Variants in PRDM16 observed in about 807,000 individuals in gnomAD.
PRDM16 encodes histone-lysine N-methyltransferase PRDM16.
In PRDM16, 23 loss-of-function variants were observed where a neutral mutation model predicts 110.6. The ratio of observed to expected loss-of-function variants is 0.21; its 90% CI spans 0.15 to 0.29. PRDM16 has a LOEUF of 0.29. PRDM16 is among the 10% of genes least tolerant of loss of function. PRDM16 has a pLI of 1.00. For missense variants in PRDM16, 1,615 were observed against 1,794.3 expected, an observed-to-expected ratio of 0.90 and a Z score of 1.81; for synonymous variants, 799 against 781.8, an observed-to-expected ratio of 1.02 and a Z score of -0.37.
chr1:3,385,706 G>A (rs981618782), intron 4 of PRDM16, among the ~76,000 whole-genome samples: 16 of 152,220 alleles, frequency 1.1e-4, no homozygotes, highest in African/African-American at 1.7e-4. Flanking sequence ...CAAATTTTCC[G>A]AAGAGTCCGC....
rs1198621108 is a variant in PRDM16, at chr1:3,244,949, G to T, written c.438+812G>T. ...GGTGGCTGATCTCCTATTTTTTGGG[G>T]GGGGGTTTCTAGTAAAATTAAAGTA... On this transcript the variant is annotated intron_variant, in intron 3 of 16. Coordinates refer to ENST00000270722, the MANE Select transcript of PRDM16 (RefSeq NM_022114.4). The surrounding 1 kb of genome is among the most constrained non-coding windows in gnomAD (Gnocchi z 4.1). Among the ~76,000 whole-genome samples the T allele has an allele frequency of 1.3e-5, 2 of 152,194 alleles. No homozygotes were observed. The highest frequency in any genetic ancestry group is 4.8e-5 in the African/African-American group (2 of 41,448).
chr1:3,359,023 C>A lies in PRDM16; in HGVS notation c.439-26129C>A, dbSNP rs1380981614. Among the ~76,000 whole-genome samples, 1 of 152,176 alleles carries A rather than the reference C, an allele frequency of 6.6e-6. No homozygotes were observed. The highest frequency in any genetic ancestry group is 1.5e-5 in the Non-Finnish European group (1 of 68,022). Reference sequence around the variant, plus strand: ...AGTTGACTCGCGGAGTCCTCACTGGCCAACTAGAGTCTTCAAATCAACCAA... The same window carrying A: ...AGTTGACTCGCGGAGTCCTCACTGGACAACTAGAGTCTTCAAATCAACCAA... On this transcript the variant is annotated intron_variant, in intron 3 of 16. Transcript: ENST00000270722. This position sits in a 1 kb window ranked among gnomAD's most constrained non-coding sequence, Gnocchi z 4.3.
intron 2 of PRDM16, among the ~76,000 whole-genome samples, chr1:3,237,706 G>A (rs1021441385): frequency 1.3e-5 from 2 of 152,220 alleles, no homozygotes; most frequent in East Asian, 1.9e-4. Flanking sequence ...TCGCCCGGGC[G>A]GTGTGTCCAG....
At chr1:3,165,191 A>G (rs1037602139) in intron 1 of PRDM16, among the ~76,000 whole-genome samples, 1 of 152,162 alleles carries the variant, frequency 6.6e-6, no homozygotes, top group Non-Finnish European at 1.5e-5. Flanking sequence ...GCCCAGGGAC[A>G]GGGACTTACC....
At position 3,412,144 on chromosome 1, in the gene PRDM16, T is replaced by G; in HGVS notation, c.1947T>G (p.Phe649Leu). The G allele has an allele frequency of 6.4e-7, 1 of 1,561,434 alleles. No homozygotes were observed. The highest frequency in any genetic ancestry group is 8.7e-7 in the Non-Finnish European group (1 of 1,154,454). The stretch of plus-strand genomic sequence containing the variant: ...AGTCCGCCGAGGGCCAGCCCAAGTT[T>G]GGGGGCGGCTTGGCGCCCCCGGGGG... The part of the protein sequence containing the change: ...KGKSAEGQPK[F>L]GGGLAPPGAP... The change falls in exon 9 of 17, where the codon TTT (phenylalanine) becomes TTG (leucine). Residue 649 changes from phenylalanine (F) to leucine (L), a missense_variant. This residue lies in a region of PRDM16 where 772 missense variants were observed against 748.3 expected (regional missense o/e 1.03). Coordinates refer to ENST00000270722, the MANE Select transcript of PRDM16 (RefSeq NM_022114.4).
chr1:3,178,043 C>G (rs1644108965), intron 1 of PRDM16, among the ~76,000 whole-genome samples: 1 of 152,196 alleles, frequency 6.6e-6, no homozygotes, highest in African/African-American at 2.4e-5. Context: ...AAGTTAAAAA[C>G]AGACTTGCAA....
intron 1 of PRDM16, among the ~76,000 whole-genome samples, chr1:3,115,203 C>T (rs1181796780): frequency 6.6e-6 from 1 of 152,258 alleles, no homozygotes; most frequent in Non-Finnish European, 1.5e-5. Flanking sequence ...GACCCCGCCT[C>T]TCCTGGGTCC....
At chr1:3,260,549 T>C (rs867046522) in intron 3 of PRDM16, among the ~76,000 whole-genome samples, 14 of 151,780 alleles carry the variant, frequency 9.2e-5, no homozygotes, top group Middle Eastern at 3.4e-3. Context: ...TGGCACATGC[T>C]TGAGACTCAG....
chr1:3,122,768 G>A (rs1456890101), intron 1 of PRDM16, among the ~76,000 whole-genome samples: 2 of 152,132 alleles, frequency 1.3e-5, no homozygotes, highest in Non-Finnish European at 2.9e-5. Flanking sequence ...ATTTAATAAG[G>A]GGTGGGAGAT....
chr1:3,402,417 T>TC (rs888456113), intron 5 of PRDM16, among the ~76,000 whole-genome samples: 42 of 152,246 alleles, frequency 2.8e-4, no homozygotes, highest in South Asian at 4.1e-4. Flanking sequence ...AGCTCTGTCA[T>TC]CGTTTTTCTC....
rs116062956 is a variant in PRDM16, at chr1:3,162,716, C to T, written c.38-23409C>T. Among the ~76,000 whole-genome samples the T allele has an allele frequency of 3.8e-3, 582 of 152,360 alleles. 5 individuals carry two copies. The highest frequency in any genetic ancestry group is 0.013 in the African/African-American group (552 of 41,586). On this transcript the variant is annotated intron_variant, in intron 1 of 16. Coordinates refer to ENST00000270722, the MANE Select transcript of PRDM16 (RefSeq NM_022114.4). ...CGGAGCCAGGCTCGGTCGGCAGCCA[C>T]GCCCCCTCCTTCACCCTCCAGTCCT...
chr1:3,114,600 ATG>A (rs1642911432), intron 1 of PRDM16, among the ~76,000 whole-genome samples: 1 of 151,918 alleles, frequency 6.6e-6, no homozygotes, highest in African/African-American at 2.4e-5. Context: ...ACACGTGCAC[ATG>A]CACACACGTG....
intron 2 of PRDM16, among the ~76,000 whole-genome samples, chr1:3,204,943 A>T (rs560912941): frequency 1.3e-5 from 2 of 152,142 alleles, no homozygotes; most frequent in African/African-American, 4.8e-5. Flanking sequence ...GGGAGCTGGG[A>T]AGGCCCCGCG....
At chr1:3,280,534 C>T (rs1380466998) in intron 3 of PRDM16, among the ~76,000 whole-genome samples, 2 of 152,212 alleles carry the variant, frequency 1.3e-5, no homozygotes, top group Admixed American at 6.5e-5. Flanking sequence ...CAACAAGGTC[C>T]GTCCTTCCCA....
At chr1:3,361,589 G>A (rs1413482843) in intron 3 of PRDM16, among the ~76,000 whole-genome samples, 3 of 152,236 alleles carry the variant, frequency 2.0e-5, no homozygotes, top group Admixed American at 6.5e-5. Context: ...CATAACACCG[G>A]CCCAACTGTG....
At chr1:3,079,861 G>A (rs1251316701) in intron 1 of PRDM16, among the ~76,000 whole-genome samples, 1 of 152,222 alleles carries the variant, frequency 6.6e-6, no homozygotes, top group Non-Finnish European at 1.5e-5. Flanking sequence ...AAGCTACTCT[G>A]TTTTTGTTGA....
intron 3 of PRDM16, among the ~76,000 whole-genome samples, chr1:3,259,741 G>T (rs1041760130): frequency 6.6e-6 from 1 of 151,824 alleles, no homozygotes; most frequent in Non-Finnish European, 1.5e-5. Context: ...CCCACAACCA[G>T]CCCCAAGCAA....
At chr1:3,319,789 T>G (rs890850939) in intron 3 of PRDM16, among the ~76,000 whole-genome samples, 1 of 152,158 alleles carries the variant, frequency 6.6e-6, no homozygotes, top group Non-Finnish European at 1.5e-5. Flanking sequence ...TGGAAGCCAT[T>G]GTTCACCAGC....
At chr1:3,356,168 C>T (rs1049201920) in intron 3 of PRDM16, among the ~76,000 whole-genome samples, 11 of 152,362 alleles carry the variant, frequency 7.2e-5, no homozygotes, top group South Asian at 4.1e-4. Context: ...GAGCAAATCA[C>T]GTCCTTTCGC....
Sources: gnomAD v4.1 joint callset for allele counts (sites outside exome capture counted in the v4.1 genomes callset) on GRCh38, gnomAD v4.1.1 for gene constraint, gnomAD v4.1.1 regional missense constraint, Gnocchi (gnomAD v3.1) non-coding constraint, MANE v1.5 for transcripts, NCBI Gene and HGNC (gene_info 2026-07-23, HGNC 2026-07-21) for gene names.